PADI6: variants seen among roughly 807,000 people sequenced by gnomAD.
PADI6 encodes inactive protein-arginine deiminase type-6.
PADI6 carries 66 observed loss-of-function variants against 78.2 expected under a neutral mutation model. The ratio of observed to expected loss-of-function variants is 0.84; its 90% confidence interval spans 0.69 to 1.04. PADI6 has a LOEUF of 1.04. Ranked by LOEUF, PADI6 falls within the 50% of genes least tolerant of loss-of-function variation. The pLI is 0.00. For synonymous variants in PADI6, 397 were observed against 346.9 expected, an observed-to-expected ratio of 1.14 and a Z score of -1.60; for missense variants, 854 against 866.1, an observed-to-expected ratio of 0.99 and a Z score of 0.18.
intron 6 of PADI6, 133 bp from the exon 7 acceptor site, chr1:17,388,248 C>A (rs186666189): frequency 1.2e-5 from 10 of 800,990 alleles, no homozygotes; most frequent in Admixed American, 3.0e-5. Flanking sequence ...GATGGCTGAG[C>A]CATTTCAGCT....
intron 8 of PADI6, among the ~76,000 whole-genome samples, chr1:17,390,618 C>A (rs1308003909): frequency 8.4e-6 from 1 of 118,788 alleles, no homozygotes. Context: ...AAAAAAAAGA[C>A]TTCTACCCCT....
At chr1:17,397,286 A>C in intron 14 of PADI6, 145 bp downstream of exon 14, 1 of 862,502 alleles carries the variant, frequency 1.2e-6, no homozygotes, top group South Asian at 1.6e-5. Flanking sequence ...AGGTCTTGAT[A>C]CAGGCCCAGG....
At chr1:17,397,648 CACTACAAACCCTGCAGATAGCCCTATAAA>C (rs1434870108) in intron 14 of PADI6, among the ~76,000 whole-genome samples, 72 of 152,280 alleles carry the variant, frequency 4.7e-4, no homozygotes, top group African/African-American at 1.2e-3. Flanking sequence ...CGAGATACCT[CACTACAAACCCTGCAGATAGCCCTATAAA>C]ACTACAAACC....
intron 14 of PADI6, among the ~76,000 whole-genome samples, chr1:17,398,227 G>A (rs1030034414): frequency 1.3e-5 from 2 of 152,204 alleles, no homozygotes; most frequent in Admixed American, 6.5e-5. Flanking sequence ...CAGCCCCCCT[G>A]GCATAGCAGG....
chr1:17,373,191 A>C lies in PADI6; in HGVS notation c.252A>C (p.Thr84=). Residue 84 remains threonine (T), a synonymous_variant, in exon 2 of 16, where the codon ACA becomes ACC. Coordinates refer to ENST00000619609, the MANE Select transcript of PADI6 (RefSeq NM_207421.4). ...WWPLSDPTYA[T]VKMTSPSPSV... ...CCCTGTCTGATCCCACGTACGCCAC[A>C]GTGAAGATGACATCGCCCAGCCCTT... 6.2e-7 allele frequency: 1 copy of C among 1,614,008 alleles called. No homozygotes were observed. The highest frequency in any genetic ancestry group is 8.5e-7 in the Non-Finnish European group (1 of 1,179,874).
chr1:17,375,301 G>A, intron 2 of PADI6, 126 bp from the exon 3 acceptor site: 1 of 839,856 alleles, frequency 1.2e-6, no homozygotes, highest in Non-Finnish European at 1.9e-6. Flanking sequence ...CAGCTCATAG[G>A]TGAGACTTCA....
chr1:17,380,110 T>A, intron 4 of PADI6, 123 bp downstream of exon 4: 1 of 912,472 alleles, frequency 1.1e-6, no homozygotes, highest in South Asian at 1.5e-5. Context: ...AAGGATTAGA[T>A]ACGTGGAGGG....
In PADI6 at chr1:17,395,078, C is replaced by G; in HGVS notation, c.1465C>G (p.Pro489Ala). Residue 489 changes from proline (P) to alanine (A), a missense_variant, in exon 12 of 16, where the codon CCC (proline) becomes GCC (alanine). Coordinates refer to ENST00000619609, the MANE Select transcript of PADI6 (RefSeq NM_207421.4). ...CGTGGATGAGTTCATGTGCTTCATC[C>G]CCACAGATGACAAGAATGAGGGCAA... is the stretch of plus-strand genomic sequence containing the variant. ...GHVDEFMCFI[P>A]TDDKNEGKKG... The G allele has an allele frequency of 6.2e-7, 1 of 1,613,958 alleles. No individual in the cohort carries two copies. The highest frequency in any genetic ancestry group is 8.5e-7 in the Non-Finnish European group (1 of 1,179,888).
intron 11 of PADI6, among the ~76,000 whole-genome samples, 197 bp downstream of exon 11, chr1:17,394,651 A>G (rs575470991): frequency 1.3e-5 from 2 of 152,280 alleles, no homozygotes; most frequent in Non-Finnish European, 2.9e-5. Context: ...CAGGGTTTAA[A>G]CTGAAACAAG....
chr1:17,394,409 A>G lies in PADI6; in HGVS notation c.1292A>G (p.Glu431Gly). 6.2e-7 allele frequency: 1 copy of G among 1,613,808 alleles called. No homozygotes were observed. The highest frequency in any genetic ancestry group is 8.5e-7 in the Non-Finnish European group (1 of 1,179,836). ...VSPPVKVQGK[E>G]YPLGRVLIGS... ...CCACCTGTCAAGGTCCAAGGGAAAG[A>G]GTACCCGCTGGGCAGAGTCCTCATT... The change falls in exon 11 of 16, where the codon GAG becomes GGG. Residue 431 changes from glutamate (E) to glycine (G), a missense_variant. Physicochemically the swap from Glu to Gly is moderately conservative, Grantham distance 98. Coordinates refer to ENST00000619609, the MANE Select transcript of PADI6 (RefSeq NM_207421.4).
chr1:17,384,077 A>G (rs1272740136), intron 6 of PADI6, among the ~76,000 whole-genome samples: 2 of 151,778 alleles, frequency 1.3e-5, no homozygotes, highest in Non-Finnish European at 2.9e-5. Context: ...TGGGAGGCAG[A>G]GGCTGCAGTG....
At chr1:17,387,313 T>G (rs1391003221) in intron 6 of PADI6, among the ~76,000 whole-genome samples, 1 of 151,990 alleles carries the variant, frequency 6.6e-6, no homozygotes, top group Non-Finnish European at 1.5e-5. Flanking sequence ...GGCATGGTGG[T>G]GCACACCTAT....
At chr1:17,379,438 G>GT (rs1401858015) in intron 3 of PADI6, among the ~76,000 whole-genome samples, 3 of 152,076 alleles carry the variant, frequency 2.0e-5, no homozygotes, top group Non-Finnish European at 4.4e-5. Flanking sequence ...TGTATCTTTA[G>GT]TAGAGATGCG....
At chr1:17,380,583 A>G (rs1225876663) in intron 4 of PADI6, among the ~76,000 whole-genome samples, 2 of 152,012 alleles carry the variant, frequency 1.3e-5, no homozygotes, top group Non-Finnish European at 2.9e-5. Flanking sequence ...GTTAGCCAGG[A>G]TGGTCTCGAA....
intron 2 of PADI6, 22 bp downstream of exon 2, chr1:17,373,255 GA>G (rs1337699886): frequency 6.2e-7 from 1 of 1,610,526 alleles, no homozygotes. Context: ...GGGAAGAGGT[GA>G]GGGGCATCTC....
chr1:17,396,716 G>A (rs1332429625), intron 13 of PADI6, among the ~76,000 whole-genome samples: 2 of 152,214 alleles, frequency 1.3e-5, no homozygotes, highest in Admixed American at 1.3e-4. Context: ...CCTGGAGAGG[G>A]TCACAGGCAG....
intron 3 of PADI6, among the ~76,000 whole-genome samples, chr1:17,376,360 C>T (rs901999626): frequency 1.1e-4 from 17 of 151,744 alleles, no homozygotes; most frequent in African/African-American, 3.9e-4. Context: ...AGTGCAGTGG[C>T]GCGATCTTGG....
At chr1:17,379,878 G>A in intron 3 of PADI6, 42 bp from the exon 4 acceptor site, 1 of 1,577,926 alleles carries the variant, frequency 6.3e-7, no homozygotes, top group Non-Finnish European at 8.7e-7. Context: ...GGTTCCATCT[G>A]GCAGGTCAAG....
At chr1:17,375,538 A>C in intron 3 of PADI6, 39 bp downstream of exon 3, 26 of 1,523,046 alleles carry the variant, frequency 1.7e-5, no homozygotes, top group Non-Finnish European at 2.3e-5. Context: ...GGCCCAACTC[A>C]CCGCTGGGGT....
Sources: allele counts gnomAD v4.1 joint callset (sites outside exome capture counted in the v4.1 genomes callset), GRCh38; gene constraint gnomAD v4.1.1; transcripts MANE v1.5; gene names NCBI Gene and HGNC (gene_info 2026-07-23, HGNC 2026-07-21).